The following GUCY1A1 variants were observed in gnomAD, a reference collection of about 807,000 sequenced individuals.
GUCY1A1 encodes guanylate cyclase soluble subunit alpha-1.
Under a neutral mutation model 64.5 loss-of-function variants are expected in GUCY1A1, and 48 were observed. That is an observed-to-expected ratio of 0.74 (90% CI 0.59 to 0.95). The LOEUF (loss-of-function observed/expected upper bound fraction) is 0.95. Among genes scored for constraint, GUCY1A1 ranks in the 40% least tolerant of loss-of-function variants. The pLI, the probability that GUCY1A1 is intolerant of heterozygous loss-of-function variation, is 0.00. For missense variants in GUCY1A1, 804 were observed against 825.3 expected, an observed-to-expected ratio of 0.97 and a Z score of 0.32; for synonymous variants, 308 against 303.4, an observed-to-expected ratio of 1.02 and a Z score of -0.16.
chr4:155,721,757 T>C (rs1388649609), intron 8 of GUCY1A1, among the ~76,000 whole-genome samples: 4 of 152,134 alleles, frequency 2.6e-5, no homozygotes, highest in Non-Finnish European at 5.9e-5. Flanking sequence ...CTATGATCCC[T>C]GTGCATGGAA....
chr4:155,729,957 T>G, intron 9 of GUCY1A1, 73 bp from the exon 10 acceptor site: 1 of 885,644 alleles, frequency 1.1e-6, no homozygotes, highest in Non-Finnish European at 1.8e-6. Context: ...TCAGTAACAT[T>G]CAGTTAGTTA....
chr4:155,674,706 C>G (rs1734651653), intron 2 of GUCY1A1, among the ~76,000 whole-genome samples: 1 of 151,546 alleles, frequency 6.6e-6, no homozygotes, highest in African/African-American at 2.4e-5. Flanking sequence ...AAGCATGGAA[C>G]AGTCCTCGCC....
chr4:155,700,247 C>T (rs1730909517), intron 3 of GUCY1A1, among the ~76,000 whole-genome samples: 1 of 152,028 alleles, frequency 6.6e-6, no homozygotes, highest in Non-Finnish European at 1.5e-5. Context: ...GATATGCTTA[C>T]ATAAATGATA....
rs1735728908 is a variant in GUCY1A1 at position 155,733,168 on chromosome 4, A to G, written c.*2937A>G. On this transcript the variant is annotated 3_prime_UTR_variant, in exon 10 of 10. Transcript: ENST00000506455. ...CCAGGAATATTGCTATATTTTTGAAATTTAAGGATAAAATATGGCCCAATC... is the reference window on the plus strand; with the variant it reads ...CCAGGAATATTGCTATATTTTTGAAGTTTAAGGATAAAATATGGCCCAATC... 1.3e-5 allele frequency among the ~76,000 whole-genome samples: 2 copies of G among 151,866 alleles called. No individual in the cohort carries two copies. The highest frequency in any genetic ancestry group is 4.1e-4 in the South Asian group (2 of 4,828).
chr4:155,708,643 C>T (rs1173882335), intron 5 of GUCY1A1, among the ~76,000 whole-genome samples: 2 of 152,058 alleles, frequency 1.3e-5, no homozygotes, highest in South Asian at 2.1e-4. Context: ...AGGTTAGGAG[C>T]AGTCATGGGA....
rs1735454039 is a variant in GUCY1A1, at chr4:155,730,745, CT to C, written c.*521del. ...TAGTATATGTTTGAATATAGGCTGACTTTTTTTCTCTATTGCACTTTCTTCT... is the reference window on the plus strand; with the variant it reads ...TAGTATATGTTTGAATATAGGCTGACTTTTTTCTCTATTGCACTTTCTTCT... On this transcript the variant is annotated 3_prime_UTR_variant, in exon 10 of 10. Coordinates refer to ENST00000506455, the MANE Select transcript of GUCY1A1 (RefSeq NM_001130682.3). 6.5e-6 allele frequency: 1 copy of C among 153,292 alleles called. No homozygotes were observed. Among genetic ancestry groups the C allele is most frequent in the Non-Finnish European group, 1.5e-5 (1 of 67,860 alleles). The allele number at this position is 153,292 out of a possible 1,614,324, so 9.5% of individuals were successfully genotyped here.
At chr4:155,727,243 G>T (rs1469847288) in intron 9 of GUCY1A1, among the ~76,000 whole-genome samples, 1 of 151,728 alleles carries the variant, frequency 6.6e-6, no homozygotes, top group East Asian at 1.9e-4. Context: ...TCATCGAAAT[G>T]GTTTGTTTTT....
At chr4:155,688,702 C>T (rs1338556555) in intron 2 of GUCY1A1, among the ~76,000 whole-genome samples, 1 of 151,884 alleles carries the variant, frequency 6.6e-6, no homozygotes, top group Non-Finnish European at 1.5e-5. Context: ...TGCTTCAAAA[C>T]TGTGCACTAA....
chr4:155,710,133 AC>A (rs1373083885), intron 5 of GUCY1A1, among the ~76,000 whole-genome samples: 2 of 152,144 alleles, frequency 1.3e-5, no homozygotes, highest in Admixed American at 1.3e-4. Context: ...TCCGTGTCTG[AC>A]CCTTTTGCTG....
intron 7 of GUCY1A1, among the ~76,000 whole-genome samples, chr4:155,715,004 G>T (rs1375261466): frequency 6.6e-6 from 1 of 152,014 alleles, no homozygotes; most frequent in Non-Finnish European, 1.5e-5. Flanking sequence ...TTCTACTTTT[G>T]GTTATTTCTA....
Position 155,710,755 on chromosome 4 carries a change from A to G in GUCY1A1, c.590A>G (p.Asp197Gly). The change falls in exon 6 of 10, where the codon GAT (aspartate) becomes GGT (glycine). Residue 197 changes from aspartate to glycine, a missense_variant. By Grantham distance (94) the Asp-to-Gly change is moderately conservative. Transcript: ENST00000506455. ...TCCATTCTATGCCTGGATAAGGAGG[A>G]TGATTTTCTACATGTTTACTACTTC... The part of the protein sequence containing the change: ...DASILCLDKE[D>G]DFLHVYYFFP... The G allele has an allele frequency of 3.7e-6, 6 of 1,614,028 alleles. No homozygotes were observed. The highest frequency in any genetic ancestry group is 1.1e-5 in the South Asian group (1 of 91,076).
intron 2 of GUCY1A1, among the ~76,000 whole-genome samples, chr4:155,679,281 G>A (rs75792115): frequency 0.084 from 12,719 of 151,542 alleles, 739 homozygotes; most frequent in South Asian, 0.22. Context: ...TGTAACTTTC[G>A]TACTTAGGTT....
At chr4:155,727,292 G>A (rs1258429829) in intron 9 of GUCY1A1, among the ~76,000 whole-genome samples, 1 of 151,724 alleles carries the variant, frequency 6.6e-6, no homozygotes. Context: ...TTTTTAAAAA[G>A]ACAATATAAT....
intron 2 of GUCY1A1, among the ~76,000 whole-genome samples, chr4:155,680,922 T>C (rs564977210): frequency 3.8e-4 from 57 of 148,414 alleles, no homozygotes; most frequent in African/African-American, 1.1e-3. Flanking sequence ...GTCGATTGGA[T>C]ACACACACAC....
intron 3 of GUCY1A1, among the ~76,000 whole-genome samples, chr4:155,698,053 G>T (rs983788336): frequency 1.3e-5 from 2 of 152,220 alleles, no homozygotes; most frequent in East Asian, 3.9e-4. Context: ...AAAGAAACAT[G>T]GACTGGCTGA....
chr4:155,681,963 C>T (rs1340450043), intron 2 of GUCY1A1, among the ~76,000 whole-genome samples: 1 of 152,208 alleles, frequency 6.6e-6, no homozygotes, highest in Non-Finnish European at 1.5e-5. Context: ...TCTCTCAGGC[C>T]TACTGCTCTG....
At chr4:155,686,085 C>A (rs1037813549) in intron 2 of GUCY1A1, among the ~76,000 whole-genome samples, 1 of 152,168 alleles carries the variant, frequency 6.6e-6, no homozygotes, top group African/African-American at 2.4e-5. Context: ...CTTGTTTGCA[C>A]AAATATCTTA....
In GUCY1A1 at chr4:155,706,654, G is replaced by GGT. The variant is rs138575852; in HGVS notation, c.318-1563_318-1562dup. Among the ~76,000 whole-genome samples the GGT allele has an allele frequency of 5.4e-3, 812 of 149,786 alleles. 5 individuals are homozygous for GGT. The highest frequency in any genetic ancestry group is 0.014 in the African/African-American group (589 of 40,978). On this transcript the variant is annotated intron_variant, in intron 4 of 9. Transcript: ENST00000506455. ...ATCATTATATGTATGAACTCATGCT[G>GGT]GTGTGTGTGTGTGTGTGTGTATTTG...
At chr4:155,685,603 G>GTTTTTTTTT (rs70954055) in intron 2 of GUCY1A1, among the ~76,000 whole-genome samples, 1 of 108,898 alleles carries the variant, frequency 9.2e-6, no homozygotes, top group African/African-American at 3.1e-5. Flanking sequence ...TTCTCCTTGT[G>GTTTTTTTTT]TTTTTTTTTT....
Sources: allele counts gnomAD v4.1 joint callset (sites outside exome capture counted in the v4.1 genomes callset), GRCh38; gene constraint gnomAD v4.1.1; transcripts MANE v1.5; gene names NCBI Gene and HGNC (gene_info 2026-07-23, HGNC 2026-07-21).